The following NCOR2 variants were observed in gnomAD, a reference collection of about 807,000 sequenced individuals.
The protein encoded by NCOR2 is CTG repeat protein 26.
A neutral mutation model predicts 262.9 loss-of-function variants in NCOR2; 81 were observed. The observed-to-expected ratio is 0.31, with a 90% CI of 0.26 to 0.37. NCOR2 has a LOEUF of 0.37. NCOR2 is among the 10% of genes least tolerant of loss of function. The pLI is 1.00. For synonymous variants in NCOR2, 1,659 were observed against 1,559.3 expected (o/e 1.06, Z -1.51); for missense variants, 3,385 against 3,621.4 (o/e 0.93, Z 1.68).
upstream of NCOR2, among the ~76,000 whole-genome samples, chr12:124,537,062 G>A (rs930726229): frequency 3.3e-5 from 5 of 152,202 alleles, no homozygotes; most frequent in African/African-American, 9.7e-5. Flanking sequence ...ATGGTTCCAC[G>A]ATAGGATTCT....
At chr12:124,485,942 C>T (rs1481266600) in intron 2 of NCOR2, among the ~76,000 whole-genome samples, 1 of 151,636 alleles carries the variant, frequency 6.6e-6, no homozygotes, top group Admixed American at 6.6e-5. Flanking sequence ...GTAGTCCCTC[C>T]AGCTCCCCAC....
At chr12:124,543,935 G>A (rs746584649) in intron 1 of NCOR2, among the ~76,000 whole-genome samples, 7 of 152,216 alleles carry the variant, frequency 4.6e-5, no homozygotes, top group Non-Finnish European at 1.0e-4. Flanking sequence ...AGCCCCTTAC[G>A]ATGATTAACT....
At chr12:124,359,784 G>C (rs947279557) in intron 22 of NCOR2, among the ~76,000 whole-genome samples, 1 of 152,248 alleles carries the variant, frequency 6.6e-6, no homozygotes, top group African/African-American at 2.4e-5. Flanking sequence ...GTTGGGCCCA[G>C]GGGGCCCCGA....
chr12:124,461,086 G>A (rs923552221), intron 5 of NCOR2, among the ~76,000 whole-genome samples: 25 of 152,244 alleles, frequency 1.6e-4, no homozygotes. Context: ...GCCACCTTCC[G>A]GCTGGGAGGC....
chr12:124,446,134 T>A (rs2045152997), intron 7 of NCOR2, among the ~76,000 whole-genome samples: 1 of 152,078 alleles, frequency 6.6e-6, no homozygotes, highest in African/African-American at 2.4e-5. Flanking sequence ...CTGCAAGGAG[T>A]GCAGGGTGCA....
chr12:124,343,147 G>A, exon 33 of NCOR2: 1 of 1,612,046 alleles, frequency 6.2e-7, no homozygotes, highest in Non-Finnish European at 8.5e-7. Context: ...CGGGCACGGT[G>A]CTGTGCGGGG....
chr12:124,516,534 C>A (rs1026924278), intron 1 of NCOR2, among the ~76,000 whole-genome samples: 1 of 151,870 alleles, frequency 6.6e-6, no homozygotes, highest in Non-Finnish European at 1.5e-5. Flanking sequence ...TTAAATCCAA[C>A]CTTGTGGTTA....
At chr12:124,479,605 G>A (rs2047328307) in intron 3 of NCOR2, among the ~76,000 whole-genome samples, 2 of 152,268 alleles carry the variant, frequency 1.3e-5, no homozygotes, top group Admixed American at 1.3e-4. Flanking sequence ...ACCCTGGCCT[G>A]CTATCCATCC....
At chr12:124,408,327 C>T (rs185856083) in intron 13 of NCOR2, among the ~76,000 whole-genome samples, 50 of 151,960 alleles carry the variant, frequency 3.3e-4, no homozygotes, top group African/African-American at 1.1e-3. Context: ...GCACTGCAGC[C>T]TGGGTGACAG....
At chr12:124,352,983 C>T (rs2037626703) in intron 27 of NCOR2, among the ~76,000 whole-genome samples, 1 of 152,240 alleles carries the variant, frequency 6.6e-6, no homozygotes, top group South Asian at 2.1e-4. Context: ...TAATAAACGG[C>T]TCTGTGCGTG....
chr12:124,358,787 G>A (rs931438990), intron 22 of NCOR2, among the ~76,000 whole-genome samples: 3 of 152,002 alleles, frequency 2.0e-5, no homozygotes, highest in Admixed American at 1.3e-4. Context: ...GGGCATTACC[G>A]AGAGGTCATG....
chr12:124,408,952 C>A (rs2042421869), intron 13 of NCOR2, among the ~76,000 whole-genome samples: 1 of 152,162 alleles, frequency 6.6e-6, no homozygotes, highest in Non-Finnish European at 1.5e-5. Flanking sequence ...AAGTCAGCGG[C>A]AGCACGTTGT....
At chr12:124,510,784 G>A (rs2049353114) in intron 1 of NCOR2, among the ~76,000 whole-genome samples, 1 of 152,156 alleles carries the variant, frequency 6.6e-6, no homozygotes, top group South Asian at 2.1e-4. Flanking sequence ...GGCCGCCGCG[G>A]ACAGGCTGTG....
chr12:124,339,571 C>T (rs1171292768), intron 37 of NCOR2, among the ~76,000 whole-genome samples: 1 of 150,744 alleles, frequency 6.6e-6, no homozygotes, highest in Non-Finnish European at 1.5e-5. Flanking sequence ...ATCCATCCAC[C>T]CACCCAGCTA....
Position 124,564,696 on chromosome 12 carries a change from C to CCCG in NCOR2, c.-165+2609_-165+2611dup, listed in dbSNP as rs2052177151. On this transcript the variant is annotated intron_variant, in intron 1 of 32. Transcript: ENST00000458234. ...GGCTGGGTTCTGCGTAGGTACCACC[C>CCCG]CCGCCTCCCATCTCCGAGTGAAGCA... Among the ~76,000 whole-genome samples, 3 of 152,206 alleles carry CCCG rather than the reference C, an allele frequency of 2.0e-5. No individual in the cohort carries two copies. The East Asian group carries it at 5.8e-4, about 29-fold the overall frequency.
At chr12:124,425,033 C>T (rs552868290) in intron 11 of NCOR2, among the ~76,000 whole-genome samples, 5 of 152,224 alleles carry the variant, frequency 3.3e-5, no homozygotes, top group South Asian at 2.1e-4. Context: ...CAGCCCAGGA[C>T]GGCTTTAAAT....
chr12:124,396,397 A>C (rs1028873508), intron 16 of NCOR2, among the ~76,000 whole-genome samples: 1 of 152,198 alleles, frequency 6.6e-6, no homozygotes, highest in Non-Finnish European at 1.5e-5. Context: ...AATTTCAATA[A>C]AGCTTCTTTT....
intron 4 of NCOR2, among the ~76,000 whole-genome samples, chr12:124,472,332 G>A (rs915772229): frequency 6.6e-6 from 1 of 152,196 alleles, no homozygotes; most frequent in African/African-American, 2.4e-5. Context: ...TGACAATGAG[G>A]ATTTATTTTT....
chr12:124,397,084 C>T (rs2041723854), intron 16 of NCOR2, among the ~76,000 whole-genome samples: 2 of 152,196 alleles, frequency 1.3e-5, no homozygotes, highest in Non-Finnish European at 2.9e-5. Flanking sequence ...CTTCCTGGCT[C>T]CTTGCCCACA....
Sources: allele counts gnomAD v4.1 joint callset (sites outside exome capture counted in the v4.1 genomes callset), GRCh38; gene constraint gnomAD v4.1.1; transcripts MANE v1.5; gene names NCBI Gene and HGNC (gene_info 2026-07-23, HGNC 2026-07-21).